Variants in HS2ST1 observed in about 807,000 individuals in gnomAD.
The protein encoded by HS2ST1 is 2-O-sulfotransferase.
In HS2ST1, 18 loss-of-function variants were observed where a neutral mutation model predicts 42.9. The ratio of observed to expected loss-of-function variants is 0.42; its 90% CI spans 0.29 to 0.62. The LOEUF (loss-of-function observed/expected upper bound fraction) is 0.62, where lower values mean the gene tolerates loss of function less well. Among genes scored for constraint, HS2ST1 ranks in the 20% least tolerant of loss-of-function variants. The pLI, the probability that HS2ST1 is intolerant of heterozygous loss-of-function variation, is 0.21. For synonymous variants in HS2ST1, 146 were observed against 152.9 expected (o/e 0.95, Z 0.33); for missense variants, 334 against 433.8 (o/e 0.77, Z 2.04).
intron 1 of HS2ST1, among the ~76,000 whole-genome samples, chr1:86,965,684 T>C (rs1648027425): frequency 6.6e-6 from 1 of 152,002 alleles, no homozygotes; most frequent in Admixed American, 6.5e-5. Context: ...TAGCCAGTGA[T>C]TAAGATCTAA....
At chr1:87,060,919 T>C (rs988447486) in intron 1 of HS2ST1, among the ~76,000 whole-genome samples, 1 of 152,130 alleles carries the variant, frequency 6.6e-6, no homozygotes, top group African/African-American at 2.4e-5. Context: ...TTTTATCTAA[T>C]AGATCATCTC....
chr1:86,992,651 C>T (rs1008513766), intron 1 of HS2ST1, among the ~76,000 whole-genome samples: 2 of 152,154 alleles, frequency 1.3e-5, no homozygotes, highest in African/African-American at 2.4e-5. Flanking sequence ...CATGAGCCAC[C>T]GCACCTGGCA....
chr1:87,074,902 C>A (rs1000348663), intron 2 of HS2ST1, among the ~76,000 whole-genome samples: 1 of 152,048 alleles, frequency 6.6e-6, no homozygotes, highest in Non-Finnish European at 1.5e-5. Context: ...TATACCCTAT[C>A]TCCAGTTTTG....
intron 1 of HS2ST1, among the ~76,000 whole-genome samples, chr1:86,955,633 T>C (rs1251827247): frequency 6.6e-6 from 1 of 151,936 alleles, no homozygotes; most frequent in Non-Finnish European, 1.5e-5. Flanking sequence ...CTAGAGTATA[T>C]AAAGAAATTG....
At chr1:87,046,482 C>T in intron 1 of HS2ST1, 2 of 1,155,156 alleles carry the variant, frequency 1.7e-6, no homozygotes, top group East Asian at 4.7e-5. Flanking sequence ...AAGGAATGGG[C>T]TAAATCAACT....
At chr1:86,940,262 T>G (rs1166788291) in intron 1 of HS2ST1, among the ~76,000 whole-genome samples, 4 of 152,138 alleles carry the variant, frequency 2.6e-5, no homozygotes, top group Non-Finnish European at 5.9e-5. Flanking sequence ...TAGACCCAGT[T>G]ACTCAGGAGA....
chr1:87,097,257 CAT>C (rs1190269340), intron 4 of HS2ST1, among the ~76,000 whole-genome samples: 1 of 152,162 alleles, frequency 6.6e-6, no homozygotes, highest in African/African-American at 2.4e-5. Context: ...GAACATAACA[CAT>C]AACACATTTA....
intron 1 of HS2ST1, among the ~76,000 whole-genome samples, chr1:87,011,291 G>A (rs555949712): frequency 6.6e-6 from 1 of 152,034 alleles, no homozygotes; most frequent in African/African-American, 2.4e-5. Flanking sequence ...ATTTTGCCCA[G>A]GGTGGAGTGC....
At chr1:86,993,059 A>G (rs61771748) in intron 1 of HS2ST1, 169,483 of 1,585,304 alleles carry the variant, frequency 0.11, 9,745 homozygotes, top group Non-Finnish European at 0.12. Context: ...CATCAGGGGA[A>G]GGTCACCAAG....
chr1:86,928,856 C>T (rs1660476322), intron 1 of HS2ST1, among the ~76,000 whole-genome samples: 1 of 151,842 alleles, frequency 6.6e-6, no homozygotes, highest in South Asian at 2.1e-4. Context: ...ATATGTATGA[C>T]TTTTGCACCT....
chr1:87,093,999 C>G (rs1274902382), intron 4 of HS2ST1, among the ~76,000 whole-genome samples: 1 of 151,982 alleles, frequency 6.6e-6, no homozygotes, highest in African/African-American at 2.4e-5. Context: ...ATTTAATCTT[C>G]TAGAAATATT....
chr1:87,102,586 C>T (rs57436931), intron 5 of HS2ST1, among the ~76,000 whole-genome samples: 4,128 of 152,240 alleles, frequency 0.027, 196 homozygotes, highest in African/African-American at 0.093. Flanking sequence ...AATATTTATC[C>T]TCTGGCCTTT....
chr1:87,030,291 G>T (rs1191471766), intron 1 of HS2ST1, among the ~76,000 whole-genome samples: 2 of 152,178 alleles, frequency 1.3e-5, no homozygotes, highest in African/African-American at 2.4e-5. Flanking sequence ...CTTGGGCCAG[G>T]AGTTCAAGAC....
At chr1:86,952,885 C>G (rs1647565394) in intron 1 of HS2ST1, among the ~76,000 whole-genome samples, 1 of 152,072 alleles carries the variant, frequency 6.6e-6, no homozygotes, top group Non-Finnish European at 1.5e-5. Context: ...TTGGCTTCAA[C>G]TTAAAGTCAC....
intron 1 of HS2ST1, among the ~76,000 whole-genome samples, chr1:86,919,543 C>T (rs944400886): frequency 1.3e-5 from 2 of 152,084 alleles, no homozygotes; most frequent in African/African-American, 4.8e-5. Context: ...TTCTTTTAAT[C>T]ACATACTAAG....
intron 1 of HS2ST1, among the ~76,000 whole-genome samples, chr1:87,058,159 T>A (rs1449678431): frequency 6.6e-6 from 1 of 151,714 alleles, no homozygotes; most frequent in Non-Finnish European, 1.5e-5. Context: ...ATTTCAGCTC[T>A]CATCAGTGCA....
rs1452623631 is a variant in HS2ST1 at position 86,985,445 on chromosome 1, CATATAT to C, written c.124+70287_124+70292del. 1.7e-3 allele frequency among the ~76,000 whole-genome samples: 95 copies of C among 55,866 alleles called. 11 individuals carry two copies. Among genetic ancestry groups the C allele is most frequent in the East Asian group, 0.012 (6 of 502 alleles). 36.7% of individuals were successfully genotyped at this position (55,866 alleles called of 152,430 possible). On this transcript the variant is annotated intron_variant, in intron 1 of 6. Coordinates refer to ENST00000370550, the MANE Select transcript of HS2ST1 (RefSeq NM_012262.4). ...ACACATATATACACACATATATACA[CATATAT>C]ACACACATATATACACATATATACA...
chr1:86,959,718 A>C (rs905216520), intron 1 of HS2ST1, among the ~76,000 whole-genome samples: 1 of 146,638 alleles, frequency 6.8e-6, no homozygotes, highest in South Asian at 2.2e-4. Flanking sequence ...CAAAAAAATT[A>C]AAGTCCTTAG....
At chr1:86,954,230 TC>T (rs1232549611) in intron 1 of HS2ST1, among the ~76,000 whole-genome samples, 2 of 151,658 alleles carry the variant, frequency 1.3e-5, no homozygotes, top group African/African-American at 4.8e-5. Flanking sequence ...ACACCTGTAG[TC>T]CTAGCTACTT....
Sources: allele counts gnomAD v4.1 joint callset (sites outside exome capture counted in the v4.1 genomes callset), GRCh38; gene constraint gnomAD v4.1.1; transcripts MANE v1.5; gene names NCBI Gene and HGNC (gene_info 2026-07-23, HGNC 2026-07-21).